TENM3: variants seen among roughly 807,000 people sequenced by gnomAD.
TENM3 encodes the protein teneurin transmembrane protein 3, also known as teneurin-3.
Under a neutral mutation model 255.1 loss-of-function variants are expected in TENM3, and 63 were observed. The observed-to-expected ratio is 0.25, with a 90% confidence interval of 0.20 to 0.30. The LOEUF (loss-of-function observed/expected upper bound fraction) is 0.30. TENM3 is among the 10% of genes least tolerant of loss of function. TENM3 has a pLI of 1.00. For synonymous variants in TENM3, 1,306 were observed against 1,322.3 expected (o/e 0.99, Z 0.27); for missense variants, 2,929 against 3,461.1 (o/e 0.85, Z 3.86).
chr4:182,570,639 G>A (rs1358698990), intron 3 of TENM3, among the ~76,000 whole-genome samples: 2 of 152,056 alleles, frequency 1.3e-5, no homozygotes, highest in Admixed American at 1.3e-4. Flanking sequence ...CACGAGGTCA[G>A]GAGATCAAGA....
At chr4:182,497,856 A>G (rs1403992860) in intron 3 of TENM3, among the ~76,000 whole-genome samples, 2 of 13,432 alleles carry the variant, frequency 1.5e-4, no homozygotes, top group Non-Finnish European at 1.7e-3. Flanking sequence ...ACATATATAT[A>G]TATATATATA....
At chr4:181,541,105 G>A in the TENM3 span, among the ~76,000 whole-genome samples, 2 of 152,320 alleles carry the variant, frequency 1.3e-5, no homozygotes, top group African/African-American at 2.4e-5. Context: ...CGGGCACAGT[G>A]GCTCATGCCT....
intron 13 of TENM3, among the ~76,000 whole-genome samples, chr4:182,716,634 C>T (rs1759198770): frequency 6.6e-6 from 1 of 152,150 alleles, no homozygotes; most frequent in Admixed American, 6.5e-5. Context: ...TAAGCATAAG[C>T]TACATGTATA....
chr4:182,281,924 C>G (rs938379616), intron 1 of TENM3, among the ~76,000 whole-genome samples: 3 of 152,106 alleles, frequency 2.0e-5, no homozygotes, highest in Admixed American at 6.5e-5. Context: ...TTAGTAGAGA[C>G]AGGGTTTCGC....
chr4:181,682,020 G>A, the TENM3 span, among the ~76,000 whole-genome samples: 1 of 152,056 alleles, frequency 6.6e-6, no homozygotes, highest in African/African-American at 2.4e-5. Context: ...ATTCCTTTGA[G>A]CTGAATTTAG....
At chr4:181,467,117 ATATATATATTTTTTT>A in the TENM3 span, among the ~76,000 whole-genome samples, 1 of 30,554 alleles carries the variant, frequency 3.3e-5, no homozygotes, top group South Asian at 9.8e-4. Context: ...ATATATATAT[ATATATATATTTTTTT>A]TTTTTTTTTT....
chr4:182,288,324 C>A (rs1329146272), intron 1 of TENM3, among the ~76,000 whole-genome samples: 1 of 152,176 alleles, frequency 6.6e-6, no homozygotes, highest in Non-Finnish European at 1.5e-5. Flanking sequence ...CCTGCCTCAG[C>A]CTCCCAAGGT....
chr4:181,636,652 C>T, the TENM3 span, among the ~76,000 whole-genome samples: 2 of 152,212 alleles, frequency 1.3e-5, no homozygotes, highest in African/African-American at 2.4e-5. Flanking sequence ...CCACTTCTCC[C>T]CACCTCTGCT....
At chr4:181,478,962 C>A in the TENM3 span, among the ~76,000 whole-genome samples, 1 of 152,146 alleles carries the variant, frequency 6.6e-6, no homozygotes, top group Non-Finnish European at 1.5e-5. Flanking sequence ...TAATGCTTTG[C>A]ACATTCTTAT....
At chr4:182,089,914 A>C in the TENM3 span, among the ~76,000 whole-genome samples, 1 of 152,226 alleles carries the variant, frequency 6.6e-6, no homozygotes, top group Non-Finnish European at 1.5e-5. Context: ...GACATAGTTT[A>C]TTGCTTTGTA....
chr4:181,977,340 T>G, the TENM3 span, among the ~76,000 whole-genome samples: 1 of 152,192 alleles, frequency 6.6e-6, no homozygotes, highest in African/African-American at 2.4e-5. Flanking sequence ...GTATGTAAAT[T>G]AAGTAAGTTA....
intron 3 of TENM3, among the ~76,000 whole-genome samples, chr4:182,433,879 AC>A (rs1292820079): frequency 6.6e-6 from 1 of 152,022 alleles, no homozygotes; most frequent in Non-Finnish European, 1.5e-5. Flanking sequence ...TCTTTGGGAG[AC>A]CAAAGTGGAG....
the TENM3 span, among the ~76,000 whole-genome samples, chr4:181,933,953 A>G: frequency 2.6e-5 from 4 of 152,012 alleles, no homozygotes; most frequent in East Asian, 1.9e-4. Context: ...TCTTTATTTA[A>G]TATGCTCAAA....
chr4:182,133,323 T>C, the TENM3 span, among the ~76,000 whole-genome samples: 1 of 152,186 alleles, frequency 6.6e-6, no homozygotes, highest in East Asian at 1.9e-4. Context: ...AAAACCATCC[T>C]AGAAATAGCA....
At chr4:182,599,947 C>G (rs1179704809) in intron 3 of TENM3, among the ~76,000 whole-genome samples, 1 of 152,108 alleles carries the variant, frequency 6.6e-6, no homozygotes, top group Admixed American at 6.5e-5. Context: ...TCTAGCACAT[C>G]CAAAGCTAGG....
the TENM3 span, among the ~76,000 whole-genome samples, chr4:181,603,955 G>A: frequency 6.6e-6 from 1 of 152,168 alleles, no homozygotes; most frequent in Admixed American, 6.5e-5. Flanking sequence ...TTAACAGATA[G>A]GAAGGCCTGA....
At chr4:181,783,826 A>G in the TENM3 span, among the ~76,000 whole-genome samples, 2 of 152,092 alleles carry the variant, frequency 1.3e-5, no homozygotes, top group Non-Finnish European at 2.9e-5. Context: ...AAGCCTCCAG[A>G]GTCGCTAGGA....
chr4:182,539,300 A>G (rs1321077612), intron 3 of TENM3, among the ~76,000 whole-genome samples: 2 of 151,882 alleles, frequency 1.3e-5, no homozygotes, highest in South Asian at 2.1e-4. Context: ...ATCAAGAAAG[A>G]TGAAAAATAA....
chr4:181,464,402 G>T, the TENM3 span, among the ~76,000 whole-genome samples: 2 of 152,128 alleles, frequency 1.3e-5, no homozygotes, highest in African/African-American at 2.4e-5. Context: ...ATGACGACTG[G>T]TGTTAAGCAT....
Sources: gnomAD v4.1 joint callset for allele counts (sites outside exome capture counted in the v4.1 genomes callset) on GRCh38, gnomAD v4.1.1 for gene constraint, MANE v1.5 for transcripts, NCBI Gene and HGNC (gene_info 2026-07-23, HGNC 2026-07-21) for gene names.